GFRA1: variants seen among roughly 807,000 people sequenced by gnomAD.
GFRA1 encodes GDNF family receptor alpha-1.
Under a neutral mutation model 51.6 loss-of-function variants are expected in GFRA1, and 16 were observed. The ratio of observed to expected loss-of-function variants is 0.31; its 90% CI spans 0.21 to 0.47. GFRA1 has a LOEUF of 0.47. Ranked by LOEUF, GFRA1 falls within the 20% of genes least tolerant of loss-of-function variation. GFRA1 has a pLI of 1.00. For missense variants in GFRA1, 530 were observed against 594.3 expected (o/e 0.89, Z 1.13); for synonymous variants, 270 against 241.3 (o/e 1.12, Z -1.10).
At chr10:116,125,769 T>C (rs561199862) in intron 5 of GFRA1, among the ~76,000 whole-genome samples, 16 of 152,306 alleles carry the variant, frequency 1.1e-4, no homozygotes, top group African/African-American at 3.6e-4. Flanking sequence ...AAGCCCCTAA[T>C]ATTCCCACAG....
In GFRA1 at chr10:116,264,323, A is replaced by G. The variant is rs1212828680; in HGVS notation, c.418+5180T>C. 2.0e-5 allele frequency among the ~76,000 whole-genome samples: 3 copies of G among 152,180 alleles called. No individual in the cohort carries two copies. The South Asian group carries it at 6.2e-4, about 31-fold the overall frequency. On this transcript the variant is annotated intron_variant, in intron 4 of 10. Coordinates refer to ENST00000355422, the MANE Select transcript of GFRA1 (RefSeq NM_005264.8). ...CCTCCCCTCTCTGAGCTTCAAGTCT[A>G]TAAAAACAGAGTACTGGACTAGATC...
rs576870743 is a variant in GFRA1 at position 116,085,518 on chromosome 10, C to T, written c.1197+4223G>A. 7.9e-5 allele frequency among the ~76,000 whole-genome samples: 12 copies of T among 152,232 alleles called. No homozygotes were observed. In the South Asian group the frequency reaches 1.5e-3, roughly 18 times the overall value. ...GCCATTCTAAGATATTTCTAGGACC[C>T]CCATCCTCCTCCCCGGCAAATGATA... On this transcript the variant is annotated intron_variant, in intron 9 of 10. Transcript: ENST00000355422.
At position 116,081,185 on chromosome 10, in the gene GFRA1, C is replaced by A. The variant is rs546677011; in HGVS notation, c.1197+8556G>T. ...ATTTGTAACTAGTTGGTCAGAAGTG[C>A]AGGTGGCCTGGGAACCCCAAAGTGT... On this transcript the variant is annotated intron_variant, in intron 9 of 10. Coordinates refer to ENST00000355422, the MANE Select transcript of GFRA1 (RefSeq NM_005264.8). 3.3e-5 allele frequency among the ~76,000 whole-genome samples: 5 copies of A among 152,292 alleles called. No homozygotes were observed. The South Asian group carries it at 1.0e-3, about 32-fold the overall frequency.
rs1954895543 is a variant in GFRA1, at chr10:116,063,001, A to G, written c.*1397T>C. 1 of 152,242 alleles carries G rather than the reference A, an allele frequency of 6.6e-6. No individual in the cohort carries two copies. The highest frequency in any genetic ancestry group is 2.1e-4 in the South Asian group (1 of 4,828). The allele number at this position is 152,242 out of a possible 1,614,324, so 9.4% of individuals were successfully genotyped here. ...CACGGAGGACATGAAACAAGATGCA[A>G]GCAGATCCTTAATGACCTTCAGACC... On this transcript the variant is annotated 3_prime_UTR_variant, in exon 11 of 11. Coordinates refer to ENST00000355422, the MANE Select transcript of GFRA1 (RefSeq NM_005264.8).
intron 4 of GFRA1, among the ~76,000 whole-genome samples, chr10:116,228,275 CAA>C (rs1205253839): frequency 6.6e-6 from 1 of 152,144 alleles, no homozygotes; most frequent in Non-Finnish European, 1.5e-5. Flanking sequence ...CACTGCAAAC[CAA>C]AAGTCTGGAG....
intron 6 of GFRA1, among the ~76,000 whole-genome samples, chr10:116,108,806 T>C (rs1376484102): frequency 1.3e-5 from 2 of 152,216 alleles, no homozygotes; most frequent in African/African-American, 4.8e-5. Context: ...ACGTTGCTGA[T>C]GGTCTTGCCT....
At chr10:116,212,722 T>C (rs1208168872) in intron 4 of GFRA1, among the ~76,000 whole-genome samples, 1 of 152,206 alleles carries the variant, frequency 6.6e-6, no homozygotes, top group Non-Finnish European at 1.5e-5. Flanking sequence ...ACACGGTAGC[T>C]CATTCATTCT....
intron 5 of GFRA1, among the ~76,000 whole-genome samples, chr10:116,167,849 T>C (rs1171459465): frequency 5.9e-5 from 9 of 152,154 alleles, no homozygotes; most frequent in Non-Finnish European, 1.5e-5. Flanking sequence ...GAAATACTCA[T>C]GAGAGTCAGC....
In GFRA1 at chr10:116,061,982, G is replaced by A. The variant is rs1954840753; in HGVS notation, c.*2416C>T. The A allele has an allele frequency of 5.0e-6, 2 of 398,436 alleles. No individual in the cohort carries two copies. The highest frequency in any genetic ancestry group is 8.8e-5 in the Admixed American group (2 of 22,708). The allele number at this position is 398,436 out of a possible 1,614,324, so 24.7% of individuals were successfully genotyped here. A position where few individuals can be genotyped will look rare whatever the true frequency, so the allele number is the denominator to read the frequency against. ...ATCAGCAACTGATTTTCAAATTGAGGAGCTGGTAACTTGAATATGCTTTTA... is the reference window on the plus strand; with the variant it reads ...ATCAGCAACTGATTTTCAAATTGAGAAGCTGGTAACTTGAATATGCTTTTA... On this transcript the variant is annotated 3_prime_UTR_variant, in exon 11 of 11. Transcript: ENST00000355422.
chr10:116,178,305 GGC>G (rs1565630475), intron 5 of GFRA1, among the ~76,000 whole-genome samples: 2 of 151,226 alleles, frequency 1.3e-5, no homozygotes, highest in Non-Finnish European at 1.5e-5. Context: ...GGGCCGGGGG[GGC>G]GTTTTACTCC....
chr10:116,190,361 C>T (rs760896990), intron 5 of GFRA1, among the ~76,000 whole-genome samples: 1 of 152,196 alleles, frequency 6.6e-6, no homozygotes, highest in Non-Finnish European at 1.5e-5. Flanking sequence ...AGTGGATCAA[C>T]GCACTCCACT....
chr10:116,237,212 G>T lies in GFRA1; in HGVS notation c.419-25567C>A, dbSNP rs568815388. Among the ~76,000 whole-genome samples, 4 of 152,294 alleles carry T rather than the reference G, an allele frequency of 2.6e-5. No individual in the cohort carries two copies. The East Asian group carries it at 7.7e-4, about 29-fold the overall frequency. On this transcript the variant is annotated intron_variant, in intron 4 of 10. Coordinates refer to ENST00000355422, the MANE Select transcript of GFRA1 (RefSeq NM_005264.8). ...AGCTATACAAACTGCTCTGCACTTT[G>T]AAATGTTCACTTATCTTGAAGGTCT... is the stretch of plus-strand genomic sequence containing the variant.
At chr10:116,148,900 CT>C (rs1397945219) in intron 5 of GFRA1, among the ~76,000 whole-genome samples, 31 of 152,250 alleles carry the variant, frequency 2.0e-4, no homozygotes, top group African/African-American at 7.2e-4. Context: ...CAATTTTTAA[CT>C]TGATTCAAAT....
chr10:116,080,402 A>G (rs1955799227), intron 9 of GFRA1, among the ~76,000 whole-genome samples: 1 of 152,300 alleles, frequency 6.6e-6, no homozygotes, highest in Non-Finnish European at 1.5e-5. Flanking sequence ...TGCAGTGTAT[A>G]CTGCCTGGGT....
chr10:116,197,979 C>T lies in GFRA1; in HGVS notation c.433+13652G>A, dbSNP rs185685816. ...GTGTGGTGACAGCAGTGGCAGGTCA[C>T]GGAGCCAGATCCTATAAGCTGATGT... On this transcript the variant is annotated intron_variant, in intron 5 of 10. Coordinates refer to ENST00000355422, the MANE Select transcript of GFRA1 (RefSeq NM_005264.8). 4.6e-5 allele frequency among the ~76,000 whole-genome samples: 7 copies of T among 152,202 alleles called. No individual in the cohort carries two copies. The East Asian group carries it at 7.7e-4, about 17-fold the overall frequency.
intron 5 of GFRA1, among the ~76,000 whole-genome samples, chr10:116,145,963 G>T (rs1231369824): frequency 6.6e-6 from 1 of 152,022 alleles, no homozygotes; most frequent in Non-Finnish European, 1.5e-5. Flanking sequence ...TATTTGTACT[G>T]AATGGTAACA....
intron 4 of GFRA1, among the ~76,000 whole-genome samples, chr10:116,216,395 G>T (rs529988070): frequency 2.0e-5 from 3 of 152,236 alleles, no homozygotes; most frequent in South Asian, 4.2e-4. Flanking sequence ...AGAACTGGAT[G>T]GCAGTCTTAT....
At chr10:116,213,779 A>G (rs879611178) in intron 4 of GFRA1, among the ~76,000 whole-genome samples, 14 of 152,188 alleles carry the variant, frequency 9.2e-5, no homozygotes, top group Non-Finnish European at 1.9e-4. Context: ...TTGGGCACAC[A>G]TGACCCCACA....
chr10:116,232,264 A>G (rs894093044), intron 4 of GFRA1, among the ~76,000 whole-genome samples: 2 of 152,186 alleles, frequency 1.3e-5, no homozygotes, highest in African/African-American at 4.8e-5. Context: ...CATCCTCCCA[A>G]GGAATATGCC....
Sources: allele counts gnomAD v4.1 joint callset (sites outside exome capture counted in the v4.1 genomes callset), GRCh38; gene constraint gnomAD v4.1.1; transcripts MANE v1.5; gene names NCBI Gene and HGNC (gene_info 2026-07-23, HGNC 2026-07-21).